WDR7: variants seen among roughly 807,000 people sequenced by gnomAD.
WDR7 encodes WD repeat domain 7, also known as WD repeat-containing protein 7.
In WDR7, 46 loss-of-function variants were observed where a neutral mutation model predicts 169.4. The observed-to-expected ratio is 0.27, with a 90% confidence interval of 0.21 to 0.35. The LOEUF is 0.35. Among genes scored for constraint, WDR7 ranks in the 10% least tolerant of loss-of-function variants. The pLI is 1.00. For synonymous variants in WDR7, 612 were observed against 666.8 expected, an observed-to-expected ratio of 0.92 and a Z score of 1.27; for missense variants, 1,534 against 1,859.3, an observed-to-expected ratio of 0.83 and a Z score of 3.22.
At chr18:56,935,525 G>A (rs1200161394) in intron 22 of WDR7, among the ~76,000 whole-genome samples, 1 of 152,110 alleles carries the variant, frequency 6.6e-6, no homozygotes, top group Admixed American at 6.5e-5. Flanking sequence ...ACTAGTTCTT[G>A]ATAATTTGTT....
chr18:56,959,693 G>A (rs752040503), intron 25 of WDR7, among the ~76,000 whole-genome samples: 1 of 152,084 alleles, frequency 6.6e-6, no homozygotes, highest in African/African-American at 2.4e-5. Flanking sequence ...AGGAAAAATC[G>A]GTCATGCAGG....
intron 19 of WDR7, among the ~76,000 whole-genome samples, chr18:56,790,292 C>T (rs1356047535): frequency 6.6e-6 from 1 of 152,156 alleles, no homozygotes; most frequent in African/African-American, 2.4e-5. Context: ...ACCACTTAGA[C>T]ACTGAATATG....
intron 26 of WDR7, among the ~76,000 whole-genome samples, chr18:56,965,997 C>A (rs765259175): frequency 6.6e-6 from 1 of 152,056 alleles, no homozygotes; most frequent in Non-Finnish European, 1.5e-5. Flanking sequence ...GAAATAATAT[C>A]TATTATTGTT....
chr18:56,978,448 T>A lies in WDR7; in HGVS notation c.4164+15919T>A, dbSNP rs574804569. On this transcript the variant is annotated intron_variant, in intron 26 of 27. Transcript: ENST00000254442. The stretch of plus-strand genomic sequence containing the variant: ...TGTATTTTTAGGCTAAAGGAAATAG[T>A]TTCGTCCAACATCCTTATTTTTGCA... 4.6e-5 allele frequency among the ~76,000 whole-genome samples: 7 copies of A among 152,316 alleles called. No homozygotes were observed. The South Asian group carries it at 1.5e-3, about 32-fold the overall frequency.
Position 56,731,564 on chromosome 18 carries a change from A to C in WDR7, c.1956A>C (p.Ala652=), listed in dbSNP as rs1203386078. 1.2e-6 allele frequency: 2 copies of C among 1,613,948 alleles called. No individual in the cohort carries two copies. The highest frequency in any genetic ancestry group is 2.7e-5 in the African/African-American group (2 of 74,944). The change falls in exon 14 of 28, where the codon GCA becomes GCC. Residue 652 remains alanine (A), a synonymous_variant. Coordinates refer to ENST00000254442, the MANE Select transcript of WDR7 (RefSeq NM_015285.3). ...NMAHHKLQTL[A]TNLLASEASD... is the part of the protein sequence containing the mutation. Reference sequence around the variant, plus strand: ...CCCATCATAAGCTACAAACCCTTGCAACTAACCTCTTGGCTTCTGAGGCAT... The same window carrying C: ...CCCATCATAAGCTACAAACCCTTGCCACTAACCTCTTGGCTTCTGAGGCAT...
chr18:56,843,012 A>G (rs2045510274), intron 20 of WDR7, among the ~76,000 whole-genome samples: 1 of 152,174 alleles, frequency 6.6e-6, no homozygotes, highest in South Asian at 2.1e-4. Context: ...TTAATTTTAA[A>G]CTAGTGCTAT....
chr18:56,913,933 A>G (rs1222360396), intron 21 of WDR7, among the ~76,000 whole-genome samples: 1 of 152,252 alleles, frequency 6.6e-6, no homozygotes, highest in African/African-American at 2.4e-5. Context: ...TTGCCCCACT[A>G]CGGTCTATTC....
chr18:56,828,003 C>T (rs2045239971), intron 20 of WDR7, among the ~76,000 whole-genome samples: 1 of 152,164 alleles, frequency 6.6e-6, no homozygotes, highest in Non-Finnish European at 1.5e-5. Flanking sequence ...TCATTACCAC[C>T]ATCATCCTTA....
At chr18:56,921,580 C>G (rs1158686896) in intron 21 of WDR7, among the ~76,000 whole-genome samples, 1 of 152,164 alleles carries the variant, frequency 6.6e-6, no homozygotes, top group African/African-American at 2.4e-5. Flanking sequence ...CACACATTCT[C>G]ACAGTGAGGC....
chr18:56,777,231 G>T (rs1000414847), intron 17 of WDR7, among the ~76,000 whole-genome samples: 1 of 152,116 alleles, frequency 6.6e-6, no homozygotes, highest in Non-Finnish European at 1.5e-5. Flanking sequence ...ATCATTACTT[G>T]GTGGCAGACA....
chr18:56,741,241 A>C (rs1051475533), intron 14 of WDR7, among the ~76,000 whole-genome samples: 1 of 152,130 alleles, frequency 6.6e-6, no homozygotes, highest in African/African-American at 2.4e-5. Context: ...AAAGTTTGCC[A>C]ATACTTTTTC....
chr18:56,671,894 G>C (rs60647603), intron 1 of WDR7, among the ~76,000 whole-genome samples: 4,443 of 152,254 alleles, frequency 0.029, 213 homozygotes, highest in African/African-American at 0.1. Context: ...CTGGGACTTA[G>C]AAAATTCTTC....
intron 22 of WDR7, among the ~76,000 whole-genome samples, chr18:56,934,890 A>G (rs1194211386): frequency 6.6e-6 from 1 of 152,208 alleles, no homozygotes; most frequent in Non-Finnish European, 1.5e-5. Flanking sequence ...TTCCATACTG[A>G]GTAACAAAAT....
chr18:56,731,261 T>A, intron 13 of WDR7, 122 bp from the exon 14 acceptor site: 1 of 1,128,552 alleles, frequency 8.9e-7, no homozygotes, highest in South Asian at 1.6e-5. Flanking sequence ...AAAAAAAAAT[T>A]TCCAGGAGGC....
At chr18:56,782,835 CT>C (rs1170503395) in intron 19 of WDR7, among the ~76,000 whole-genome samples, 2 of 152,020 alleles carry the variant, frequency 1.3e-5, no homozygotes, top group African/African-American at 4.8e-5. Context: ...ACCTTGGGCA[CT>C]TTTCTTAAGC....
At chr18:56,993,164 T>C (rs2047842078) in intron 26 of WDR7, among the ~76,000 whole-genome samples, 1 of 152,238 alleles carries the variant, frequency 6.6e-6, no homozygotes, top group South Asian at 2.1e-4. Context: ...TAAATTGGTC[T>C]CCTTAGAAGG....
At chr18:57,020,936 C>A in intron 27 of WDR7, 87 bp downstream of exon 27, 1 of 1,197,812 alleles carries the variant, frequency 8.3e-7, no homozygotes, top group Non-Finnish European at 1.2e-6. Context: ...TACCTGCCGG[C>A]CCTCCTTCCT....
At chr18:56,680,131 C>T (rs1369024722) in intron 3 of WDR7, among the ~76,000 whole-genome samples, 6 of 151,924 alleles carry the variant, frequency 3.9e-5, no homozygotes, top group African/African-American at 7.3e-5. Flanking sequence ...CTGGGATGGG[C>T]GGATCACGTG....
At chr18:56,691,423 C>T in intron 8 of WDR7, 62 bp downstream of exon 8, 1 of 1,484,830 alleles carries the variant, frequency 6.7e-7, no homozygotes, top group Non-Finnish European at 8.9e-7. Context: ...ATTTAGGGTA[C>T]AACCTGACTT....
Sources: allele counts gnomAD v4.1 joint callset (sites outside exome capture counted in the v4.1 genomes callset), GRCh38; gene constraint gnomAD v4.1.1; transcripts MANE v1.5; gene names NCBI Gene and HGNC (gene_info 2026-07-23, HGNC 2026-07-21).